The following SIPA1L2 variants were observed in gnomAD, a reference collection of about 807,000 sequenced individuals.
The protein encoded by SIPA1L2 is signal induced proliferation associated 1 like 2.
SIPA1L2 carries 56 observed loss-of-function variants against 163.9 expected under a neutral mutation model. That is an observed-to-expected ratio of 0.34 (90% CI 0.28 to 0.43). The LOEUF is 0.43. Among genes scored for constraint, SIPA1L2 ranks in the 20% least tolerant of loss-of-function variants. The pLI is 1.00. For synonymous variants in SIPA1L2, 877 were observed against 865.7 expected (o/e 1.01, Z -0.23); for missense variants, 1,974 against 2,193.5 (o/e 0.90, Z 2.00).
At chr1:232,536,445 T>C (rs1463137444) in intron 2 of SIPA1L2, among the ~76,000 whole-genome samples, 1 of 152,192 alleles carries the variant, frequency 6.6e-6, no homozygotes, top group Non-Finnish European at 1.5e-5. Flanking sequence ...ACCACTCTCC[T>C]GGCCTCTTGA....
chr1:232,503,249 C>A (rs554011501), intron 3 of SIPA1L2, among the ~76,000 whole-genome samples: 1 of 152,106 alleles, frequency 6.6e-6, no homozygotes, highest in South Asian at 2.1e-4. Context: ...CTAACAAGAT[C>A]GCAGTGCAGG....
Position 232,425,699 on chromosome 1 carries a change from G to A in SIPA1L2, c.4520C>T (p.Ser1507Phe), listed in dbSNP as rs2102813339. Residue 1507 changes from serine to phenylalanine, a missense_variant, in exon 18 of 23, where the codon TCC (serine) becomes TTC (phenylalanine). Ser to Phe is a radical substitution (Grantham distance 155, BLOSUM62 -2). Coordinates refer to ENST00000674635, the MANE Select transcript of SIPA1L2 (RefSeq NM_020808.5). ...GTTGGGCAGGGCCTGGTCAAGCACG[G>A]AACTCCGGGAACTGCCAAAGGAGGA... The part of the protein sequence containing the change: ...RGSSFGSSRS[S>F]VLDQALPNDI... 6.2e-7 allele frequency: 1 copy of A among 1,614,028 alleles called. No individual in the cohort carries two copies. Among genetic ancestry groups the A allele is most frequent in the Non-Finnish European group, 8.5e-7 (1 of 1,180,002 alleles).
At chr1:232,546,830 C>T (rs534411569) in intron 2 of SIPA1L2, among the ~76,000 whole-genome samples, 1 of 152,266 alleles carries the variant, frequency 6.6e-6, no homozygotes, top group Admixed American at 6.5e-5. Context: ...AAGAAGAAAA[C>T]AGCCACCTGT....
At chr1:232,518,486 T>C (rs532549175) in intron 2 of SIPA1L2, among the ~76,000 whole-genome samples, 45 of 152,186 alleles carry the variant, frequency 3.0e-4, no homozygotes, top group Non-Finnish European at 6.2e-4. Context: ...GGAAACTCTG[T>C]GGTTCTTTAA....
intron 10 of SIPA1L2, among the ~76,000 whole-genome samples, chr1:232,448,273 G>C (rs1663334321): frequency 6.6e-6 from 1 of 152,210 alleles, no homozygotes; most frequent in South Asian, 2.1e-4. Context: ...AAGGACACGG[G>C]AAGACTAGAT....
intron 10 of SIPA1L2, among the ~76,000 whole-genome samples, chr1:232,453,039 TTA>T (rs1020184375): frequency 2.0e-5 from 3 of 152,210 alleles, no homozygotes; most frequent in Non-Finnish European, 4.4e-5. Context: ...TAACAGATGT[TTA>T]TAGAGTTCTG....
intron 3 of SIPA1L2, among the ~76,000 whole-genome samples, chr1:232,505,539 G>A (rs1438332999): frequency 6.6e-6 from 1 of 152,212 alleles, no homozygotes; most frequent in Non-Finnish European, 1.5e-5. Context: ...AGAGTCAGTA[G>A]GTTTTGAAAT....
intron 1 of SIPA1L2, among the ~76,000 whole-genome samples, chr1:232,623,419 CA>C (rs1167974143): frequency 6.6e-6 from 1 of 152,108 alleles, no homozygotes; most frequent in Admixed American, 6.5e-5. Flanking sequence ...TCCTGGCTAA[CA>C]TGGTGAAACT....
At chr1:232,501,161 C>T (rs1051137366) in intron 3 of SIPA1L2, among the ~76,000 whole-genome samples, 6 of 146,862 alleles carry the variant, frequency 4.1e-5, no homozygotes, top group African/African-American at 1.3e-4. Context: ...AGGTTCACGA[C>T]GTTCTCCTGC....
At chr1:232,429,030 C>G (rs2102822968) in intron 16 of SIPA1L2, among the ~76,000 whole-genome samples, 1 of 152,290 alleles carries the variant, frequency 6.6e-6, no homozygotes, top group South Asian at 2.1e-4. Flanking sequence ...CATCAATTCA[C>G]ACGTGTGCTA....
chr1:232,517,610 T>TTGAA (rs1667271655), intron 2 of SIPA1L2, among the ~76,000 whole-genome samples: 1 of 152,274 alleles, frequency 6.6e-6, no homozygotes, highest in Non-Finnish European at 1.5e-5. Flanking sequence ...AGATTCTTAC[T>TTGAA]TGAAAATCTA....
intron 19 of SIPA1L2, among the ~76,000 whole-genome samples, chr1:232,414,995 G>A (rs1661164204): frequency 6.6e-6 from 1 of 152,212 alleles, no homozygotes; most frequent in African/African-American, 2.4e-5. Flanking sequence ...TTAAGAGGAA[G>A]AAGCCGAGGC....
intron 7 of SIPA1L2, 77 bp downstream of exon 7, chr1:232,479,550 C>T: frequency 2.7e-6 from 3 of 1,108,548 alleles, no homozygotes; most frequent in Non-Finnish European, 4.2e-6. Context: ...GCAAGTTCTA[C>T]ATGCATCAAT....
intron 3 of SIPA1L2, among the ~76,000 whole-genome samples, chr1:232,507,742 T>A (rs1004387863): frequency 1.3e-5 from 2 of 152,194 alleles, no homozygotes; most frequent in Non-Finnish European, 2.9e-5. Context: ...TCTGCCCAGA[T>A]CATGGCTGGT....
At chr1:232,564,338 C>T (rs1305845973) in intron 2 of SIPA1L2, among the ~76,000 whole-genome samples, 4 of 148,642 alleles carry the variant, frequency 2.7e-5, no homozygotes, top group East Asian at 4.0e-4. Context: ...GATCTTGGCT[C>T]GCTGCAACTT....
At chr1:232,525,405 T>A (rs1157509522) in intron 2 of SIPA1L2, among the ~76,000 whole-genome samples, 2 of 5,692 alleles carry the variant, frequency 3.5e-4, no homozygotes, top group African/African-American at 7.3e-4. Flanking sequence ...CTGGCTATTT[T>A]TTTTTTTTTT....
chr1:232,479,695 A>G lies in SIPA1L2; in HGVS notation c.2017T>C (p.Tyr673His). Reference sequence around the variant, plus strand: ...TGGAACATGAGTTCGTAGTCTTTGTATGTGGTATAGAGAGAGTGCGTGCCC... The same window carrying G: ...TGGAACATGAGTTCGTAGTCTTTGTGTGTGGTATAGAGAGAGTGCGTGCCC... ...STGTHSLYTT[Y>H]KDYELMFHVS... Residue 673 changes from tyrosine to histidine, a missense_variant, in exon 7 of 23, where the codon TAC becomes CAC. This residue lies in a region of SIPA1L2 where 288 missense variants were observed against 418.9 expected (regional missense o/e 0.69). Coordinates refer to ENST00000674635, the MANE Select transcript of SIPA1L2 (RefSeq NM_020808.5). 6.2e-7 allele frequency: 1 copy of G among 1,613,748 alleles called. No individual in the cohort carries two copies. The highest frequency in any genetic ancestry group is 2.2e-5 in the East Asian group (1 of 44,854).
At chr1:232,419,810 T>C (rs1268279294) in intron 18 of SIPA1L2, among the ~76,000 whole-genome samples, 2 of 152,168 alleles carry the variant, frequency 1.3e-5, no homozygotes, top group Non-Finnish European at 2.9e-5. Context: ...TAACACAGAT[T>C]CTAAACTAGC....
chr1:232,486,535 A>G (rs1470820315), intron 5 of SIPA1L2, among the ~76,000 whole-genome samples: 1 of 152,192 alleles, frequency 6.6e-6, no homozygotes, highest in African/African-American at 2.4e-5. Flanking sequence ...CTCTGGCTCC[A>G]AAGAAAACAC....
Sources: gnomAD v4.1 joint callset for allele counts (sites outside exome capture counted in the v4.1 genomes callset) on GRCh38, gnomAD v4.1.1 for gene constraint, gnomAD v4.1.1 regional missense constraint, MANE v1.5 for transcripts, NCBI Gene and HGNC (gene_info 2026-07-23, HGNC 2026-07-21) for gene names.